Variants in NXPH1 observed in about 807,000 individuals in gnomAD.
The protein encoded by NXPH1 is neurexophilin 1.
In NXPH1, 5 loss-of-function variants were observed where a neutral mutation model predicts 23.7. The observed-to-expected ratio is 0.21, with a 90% CI of 0.11 to 0.44. The LOEUF (loss-of-function observed/expected upper bound fraction) is 0.44. Among genes scored for constraint, NXPH1 ranks in the 20% least tolerant of loss-of-function variants. The probability of loss-of-function intolerance (pLI) is 0.99; values close to 1 mark genes in which losing one functional copy is unlikely to be tolerated. For synonymous variants in NXPH1, 144 were observed against 122.2 expected, an observed-to-expected ratio of 1.18 and a Z score of -1.18; for missense variants, 324 against 321.6, an observed-to-expected ratio of 1.01 and a Z score of -0.06.
At chr7:8,582,021 C>T (rs1053711231) in intron 2 of NXPH1, among the ~76,000 whole-genome samples, 5 of 152,158 alleles carry the variant, frequency 3.3e-5, no homozygotes, top group Non-Finnish European at 7.3e-5. Context: ...CTGGGTCTGG[C>T]GTCTGCACAT....
At chr7:8,647,094 A>G (rs1318437633) in intron 2 of NXPH1, among the ~76,000 whole-genome samples, 3 of 152,194 alleles carry the variant, frequency 2.0e-5, no homozygotes, top group South Asian at 4.1e-4. Flanking sequence ...ACAGACACAC[A>G]CAAAGACACG....
intron 2 of NXPH1, among the ~76,000 whole-genome samples, chr7:8,486,979 T>C (rs1817168818): frequency 1.3e-5 from 2 of 152,172 alleles, no homozygotes; most frequent in Non-Finnish European, 2.9e-5. Context: ...TAGTTTAATC[T>C]CTATTTTCCA....
intron 2 of NXPH1, among the ~76,000 whole-genome samples, chr7:8,607,151 A>G (rs1397906317): frequency 1.3e-5 from 2 of 152,158 alleles, no homozygotes; most frequent in Admixed American, 6.6e-5. Flanking sequence ...TCGAAGTTTG[A>G]ACTTGAACAG....
chr7:8,448,769 T>G (rs10270157), intron 2 of NXPH1, among the ~76,000 whole-genome samples: 2,530 of 143,650 alleles, frequency 0.018, 85 homozygotes, highest in African/African-American at 0.063. Flanking sequence ...GAGCTGAGAT[T>G]GTGCCACTGC....
intron 2 of NXPH1, among the ~76,000 whole-genome samples, chr7:8,529,352 G>A (rs969984024): frequency 7.2e-5 from 11 of 152,232 alleles, no homozygotes; most frequent in Non-Finnish European, 1.3e-4. Flanking sequence ...GCCACAGAGA[G>A]GGATTACAGC....
intron 2 of NXPH1, among the ~76,000 whole-genome samples, chr7:8,555,314 C>G (rs1028407122): frequency 7.9e-5 from 12 of 151,694 alleles, no homozygotes; most frequent in African/African-American, 2.9e-4. Flanking sequence ...CTTTTAGTTC[C>G]CATTTTGAAG....
At chr7:8,578,989 A>G (rs1818810682) in intron 2 of NXPH1, among the ~76,000 whole-genome samples, 1 of 152,198 alleles carries the variant, frequency 6.6e-6, no homozygotes, top group Non-Finnish European at 1.5e-5. Context: ...GAGCAGGACA[A>G]GGAAGAGGAC....
chr7:8,695,773 A>T (rs1312696728), intron 2 of NXPH1, among the ~76,000 whole-genome samples: 1 of 152,324 alleles, frequency 6.6e-6, no homozygotes, highest in South Asian at 2.1e-4. Flanking sequence ...AAATGTTAAG[A>T]TTCAGATTGT....
At chr7:8,650,695 C>G (rs1820476988) in intron 2 of NXPH1, among the ~76,000 whole-genome samples, 1 of 152,166 alleles carries the variant, frequency 6.6e-6, no homozygotes, top group Admixed American at 6.5e-5. Flanking sequence ...GCAACTGTCT[C>G]TCAGCTATCA....
chr7:8,661,014 C>A (rs1230563757), intron 2 of NXPH1, among the ~76,000 whole-genome samples: 1 of 148,780 alleles, frequency 6.7e-6, no homozygotes, highest in Non-Finnish European at 1.5e-5. Context: ...CGATCTTTTC[C>A]TCAGGAAATC....
intron 2 of NXPH1, among the ~76,000 whole-genome samples, chr7:8,460,431 A>C (rs900751346): frequency 1.8e-4 from 28 of 152,222 alleles, no homozygotes; most frequent in Admixed American, 1.7e-3. Flanking sequence ...AAAATCAAGC[A>C]GTAGAGTACA....
chr7:8,606,534 G>A (rs1819496378), intron 2 of NXPH1, among the ~76,000 whole-genome samples: 1 of 152,106 alleles, frequency 6.6e-6, no homozygotes, highest in African/African-American at 2.4e-5. Flanking sequence ...ACATAATGGG[G>A]ATCAAGAAAA....
chr7:8,715,387 C>T (rs1779861379), intron 2 of NXPH1, among the ~76,000 whole-genome samples: 1 of 152,070 alleles, frequency 6.6e-6, no homozygotes, highest in Admixed American at 6.5e-5. Context: ...GAAGTTGAAA[C>T]CAGATACTGG....
chr7:8,646,006 T>C (rs1183418325), intron 2 of NXPH1, among the ~76,000 whole-genome samples: 1 of 152,136 alleles, frequency 6.6e-6, no homozygotes, highest in African/African-American at 2.4e-5. Context: ...TAGTAACATC[T>C]TGTCAAGTCC....
At chr7:8,638,956 C>A (rs1264525541) in intron 2 of NXPH1, among the ~76,000 whole-genome samples, 1 of 152,086 alleles carries the variant, frequency 6.6e-6, no homozygotes, top group Non-Finnish European at 1.5e-5. Flanking sequence ...ACCTCTCCAA[C>A]CCTCAGTTTC....
intron 2 of NXPH1, among the ~76,000 whole-genome samples, chr7:8,484,592 C>T (rs1007445755): frequency 7.9e-5 from 12 of 152,130 alleles, no homozygotes; most frequent in African/African-American, 2.9e-4. Flanking sequence ...ATAACCACTT[C>T]ATAAGTTGCT....
chr7:8,677,665 C>G (rs892469009), intron 2 of NXPH1, among the ~76,000 whole-genome samples: 1 of 152,136 alleles, frequency 6.6e-6, no homozygotes, highest in Non-Finnish European at 1.5e-5. Flanking sequence ...AAACCTTCCT[C>G]TCTATGCTTA....
At chr7:8,698,115 T>C (rs887397478) in intron 2 of NXPH1, among the ~76,000 whole-genome samples, 1 of 152,130 alleles carries the variant, frequency 6.6e-6, no homozygotes, top group Non-Finnish European at 1.5e-5. Context: ...ATAAAAAGCT[T>C]ACTAGGAGGC....
intron 2 of NXPH1, among the ~76,000 whole-genome samples, chr7:8,518,064 G>A (rs1479072729): frequency 6.6e-6 from 1 of 152,116 alleles, no homozygotes; most frequent in African/African-American, 2.4e-5. Flanking sequence ...AAACTTTGTA[G>A]GCCTGAGGTA....
Sources: allele counts gnomAD v4.1 joint callset (sites outside exome capture counted in the v4.1 genomes callset), GRCh38; gene constraint gnomAD v4.1.1; transcripts MANE v1.5; gene names NCBI Gene and HGNC (gene_info 2026-07-23, HGNC 2026-07-21).